Variants in DOCK2 observed in about 807,000 individuals in gnomAD.
DOCK2 encodes the protein dedicator of cytokinesis protein 2.
In DOCK2, 87 loss-of-function variants were observed where a neutral mutation model predicts 248.9. The observed-to-expected ratio is 0.35, with a 90% confidence interval of 0.29 to 0.42. The LOEUF is 0.42. Ranked by LOEUF, DOCK2 falls within the 10% of genes least tolerant of loss-of-function variation. The pLI is 1.00. For synonymous variants in DOCK2, 805 were observed against 821.6 expected (o/e 0.98, Z 0.35); for missense variants, 1,747 against 2,300.2 (o/e 0.76, Z 4.92).
chr5:169,746,315 G>A (rs918934404), intron 22 of DOCK2, among the ~76,000 whole-genome samples: 6 of 152,204 alleles, frequency 3.9e-5, no homozygotes, highest in African/African-American at 1.4e-4. Context: ...AGACGGGAAA[G>A]AAGGGTGAGG....
chr5:170,076,188 T>G (rs1368421469), intron 47 of DOCK2, 104 bp downstream of exon 47: 13 of 1,471,666 alleles, frequency 8.8e-6, no homozygotes, highest in Non-Finnish European at 1.2e-5. Flanking sequence ...GGAAGCTGCT[T>G]CCAAAGAGAA....
chr5:169,661,074 A>G (rs1758422313), intron 2 of DOCK2, among the ~76,000 whole-genome samples: 1 of 152,234 alleles, frequency 6.6e-6, no homozygotes, highest in East Asian at 1.9e-4. Flanking sequence ...TTTTTTTAGA[A>G]GAATGGTATC....
intron 27 of DOCK2, among the ~76,000 whole-genome samples, chr5:169,908,305 G>A (rs1561814552): frequency 6.6e-6 from 1 of 151,924 alleles, no homozygotes; most frequent in African/African-American, 2.4e-5. Flanking sequence ...AATCAATAAA[G>A]TATATAAGCA....
At chr5:170,039,161 A>T (rs779979090) in intron 36 of DOCK2, among the ~76,000 whole-genome samples, 1 of 152,224 alleles carries the variant, frequency 6.6e-6, no homozygotes, top group Non-Finnish European at 1.5e-5. Context: ...ATTGATAAAA[A>T]TACATGATAA....
At chr5:169,809,804 C>T (rs778310073) in intron 26 of DOCK2, among the ~76,000 whole-genome samples, 2 of 152,236 alleles carry the variant, frequency 1.3e-5, no homozygotes, top group South Asian at 2.1e-4. Flanking sequence ...CTTCTCACTG[C>T]GGCGGAGTGC....
chr5:170,032,134 C>T (rs1756162054), intron 34 of DOCK2, among the ~76,000 whole-genome samples: 1 of 151,762 alleles, frequency 6.6e-6, no homozygotes, highest in Non-Finnish European at 1.5e-5. Context: ...TCACACCATT[C>T]TCCTGCCTCA....
At chr5:169,698,574 C>G in intron 11 of DOCK2, 125 bp downstream of exon 11, 3 of 1,015,122 alleles carry the variant, frequency 3.0e-6, no homozygotes, top group Non-Finnish European at 3.0e-6. Context: ...CCAAGGGAAG[C>G]TCAGGGTGAG....
intron 46 of DOCK2, among the ~76,000 whole-genome samples, chr5:170,070,768 C>T (rs1240943863): frequency 6.6e-6 from 1 of 152,212 alleles, no homozygotes; most frequent in Non-Finnish European, 1.5e-5. Flanking sequence ...CTCTTCTCCT[C>T]TGGAAACAGC....
intron 27 of DOCK2, among the ~76,000 whole-genome samples, chr5:169,972,585 ATGAT>A (rs1448687032): frequency 3.1e-5 from 1 of 32,560 alleles, no homozygotes; most frequent in Non-Finnish European, 6.1e-5. Context: ...AGATAGATAG[ATGAT>A]AGATAGATAG....
rs183322313 is a variant in DOCK2 at position 169,720,767 on chromosome 5, G to A, written c.2267+1976G>A. ...CTTGCTCTGTCACTAGAGCAATGGC[G>A]CAATCACGGCTAGAGGGCAATGGCA... On this transcript the variant is annotated intron_variant, in intron 22 of 51. Transcript: ENST00000520908. Among the ~76,000 whole-genome samples the A allele has an allele frequency of 2.2e-3, 335 of 152,274 alleles. 1 individual carries two copies. Among genetic ancestry groups the A allele is most frequent in the Non-Finnish European group, 3.8e-3 (261 of 68,010 alleles).
intron 27 of DOCK2, chr5:169,883,892 G>A (rs781411102): frequency 6.7e-7 from 1 of 1,499,388 alleles, no homozygotes; most frequent in Non-Finnish European, 8.9e-7. Flanking sequence ...ATATTTTGCT[G>A]GGCCATTGAG....
chr5:169,816,140 T>C (rs1002882086), intron 26 of DOCK2, among the ~76,000 whole-genome samples: 2 of 152,156 alleles, frequency 1.3e-5, no homozygotes, highest in Admixed American at 6.5e-5. Flanking sequence ...AACTATAACT[T>C]TGATTTGCTC....
At chr5:169,949,199 C>T (rs1200031935) in intron 27 of DOCK2, among the ~76,000 whole-genome samples, 1 of 152,218 alleles carries the variant, frequency 6.6e-6, no homozygotes, top group Non-Finnish European at 1.5e-5. Flanking sequence ...ATCAATTCAA[C>T]TCCACAAGCA....
chr5:169,967,107 G>A (rs761253123), intron 27 of DOCK2, among the ~76,000 whole-genome samples: 1 of 152,224 alleles, frequency 6.6e-6, no homozygotes, highest in Non-Finnish European at 1.5e-5. Context: ...GTAGGACACT[G>A]AGCCAGTCTC....
chr5:169,949,116 A>G (rs1221235829), intron 27 of DOCK2, among the ~76,000 whole-genome samples: 1 of 152,192 alleles, frequency 6.6e-6, no homozygotes, highest in Non-Finnish European at 1.5e-5. Flanking sequence ...CTGTATTCGA[A>G]TTTCCTTGGC....
At chr5:169,938,482 A>G (rs573211410) in intron 27 of DOCK2, among the ~76,000 whole-genome samples, 64 of 152,342 alleles carry the variant, frequency 4.2e-4, no homozygotes, top group African/African-American at 1.3e-3. Flanking sequence ...ACTGTAGGCA[A>G]TTAGAACACA....
chr5:169,649,416 T>A (rs1757672832), intron 1 of DOCK2, among the ~76,000 whole-genome samples: 1 of 152,198 alleles, frequency 6.6e-6, no homozygotes, highest in South Asian at 2.1e-4. Flanking sequence ...AGAAGGGACA[T>A]AGCTGCCCTT....
intron 13 of DOCK2, among the ~76,000 whole-genome samples, chr5:169,700,541 TA>T (rs1457775731): frequency 3.4e-5 from 5 of 149,096 alleles, no homozygotes; most frequent in Non-Finnish European, 5.9e-5. Context: ...TTTTTTTTTT[TA>T]TATTACCAAA....
intron 22 of DOCK2, among the ~76,000 whole-genome samples, chr5:169,722,606 C>T (rs1329173781): frequency 6.6e-6 from 1 of 152,206 alleles, no homozygotes; most frequent in Non-Finnish European, 1.5e-5. Flanking sequence ...TCAGCATCCT[C>T]ATCTATAAAT....
Sources: gnomAD v4.1 joint callset for allele counts (sites outside exome capture counted in the v4.1 genomes callset) on GRCh38, gnomAD v4.1.1 for gene constraint, MANE v1.5 for transcripts, NCBI Gene and HGNC (gene_info 2026-07-23, HGNC 2026-07-21) for gene names.